AFAP1L2: variants seen among roughly 807,000 people sequenced by gnomAD.
AFAP1L2 encodes the protein actin filament-associated protein 1-like 2.
AFAP1L2 carries 46 observed loss-of-function variants against 99.3 expected under a neutral mutation model. The ratio of observed to expected loss-of-function variants is 0.46; its 90% CI spans 0.37 to 0.59. The LOEUF (loss-of-function observed/expected upper bound fraction) is 0.59. Among genes scored for constraint, AFAP1L2 ranks in the 20% least tolerant of loss-of-function variants. The pLI, the probability that AFAP1L2 is intolerant of heterozygous loss-of-function variation, is 0.00. For missense variants in AFAP1L2, 959 were observed against 1,034.9 expected (o/e 0.93, Z 1.01); for synonymous variants, 397 against 419.1 (o/e 0.95, Z 0.64).
At chr10:114,372,650 CAT>C (rs1220367017) in intron 1 of AFAP1L2, among the ~76,000 whole-genome samples, 8 of 151,548 alleles carry the variant, frequency 5.3e-5, no homozygotes, top group Non-Finnish European at 4.4e-5. Flanking sequence ...TATATATACA[CAT>C]ATATGTATAC....
intron 1 of AFAP1L2, among the ~76,000 whole-genome samples, chr10:114,361,853 C>T (rs1178398194): frequency 6.6e-6 from 1 of 152,098 alleles, no homozygotes; most frequent in African/African-American, 2.4e-5. Context: ...CTGCTATAAC[C>T]TAGAATTAGG....
At chr10:114,343,824 G>T (rs1382944535) in intron 1 of AFAP1L2, among the ~76,000 whole-genome samples, 1 of 152,148 alleles carries the variant, frequency 6.6e-6, no homozygotes, top group Non-Finnish European at 1.5e-5. Flanking sequence ...CCCATGCCCT[G>T]CTGTGACCAG....
At chr10:114,363,070 C>T (rs2052673180) in intron 1 of AFAP1L2, 1 of 985,282 alleles carries the variant, frequency 1.0e-6, no homozygotes, top group African/African-American at 1.7e-5. Context: ...GGGGTCGGCC[C>T]CTCACTTGGT....
intron 1 of AFAP1L2, among the ~76,000 whole-genome samples, chr10:114,397,882 G>T (rs974454498): frequency 6.6e-6 from 1 of 152,142 alleles, no homozygotes; most frequent in Non-Finnish European, 1.5e-5. Context: ...GAAGTCCTGG[G>T]AGGAGCTCCA....
chr10:114,384,047 T>C (rs941854), intron 1 of AFAP1L2, among the ~76,000 whole-genome samples: 124,843 of 151,912 alleles, frequency 0.82, 52,783 homozygotes, highest in East Asian at 1. Context: ...TGACAAAGGA[T>C]GCAACAACAT....
rs374076652 is a variant in AFAP1L2 at position 114,342,786 on chromosome 10, T to G, written c.17-2055A>C. ...GTAGATTAACGAGTTCGTGTTGCTT[T>G]ATGTCACTAAGTTTGGTAATTTGTT... On this transcript the variant is annotated intron_variant, in intron 1 of 18. Coordinates refer to ENST00000304129, the MANE Select transcript of AFAP1L2 (RefSeq NM_001001936.3). Among the ~76,000 whole-genome samples the G allele has an allele frequency of 3.3e-5, 5 of 152,360 alleles. No homozygotes were observed. In the East Asian group the frequency reaches 7.7e-4, roughly 24 times the overall value.
chr10:114,348,455 A>AT (rs1401069978), intron 1 of AFAP1L2, among the ~76,000 whole-genome samples: 1 of 152,126 alleles, frequency 6.6e-6, no homozygotes, highest in African/African-American at 2.4e-5. Context: ...GGCATATGAG[A>AT]TTCATCCCGG....
intron 1 of AFAP1L2, among the ~76,000 whole-genome samples, chr10:114,378,887 C>G (rs1178147703): frequency 2.0e-5 from 3 of 152,056 alleles, no homozygotes; most frequent in Non-Finnish European, 4.4e-5. Flanking sequence ...ATCTTCAAAA[C>G]TAGGTCACTC....
At chr10:114,318,991 TA>T (rs1427210492) in intron 5 of AFAP1L2, among the ~76,000 whole-genome samples, 2 of 150,532 alleles carry the variant, frequency 1.3e-5, no homozygotes, top group Non-Finnish European at 3.0e-5. Context: ...CCGTTTCTAC[TA>T]AAGATACAAA....
In AFAP1L2 at chr10:114,300,244, G is replaced by A. The variant is rs140418716; in HGVS notation, c.1907C>T (p.Pro636Leu). ...CTTCACAGGTGGGCTGGCACCAGGT[G>A]GGGTGGCCACCACGGCATCCGGGCA... ...PSCPDAVVAT[P>L]PGASPPVKDR... Residue 636 changes from proline (P) to leucine (L), a missense_variant, in exon 15 of 19, where the codon CCA becomes CTA. By Grantham distance (98) the Pro-to-Leu change is moderately conservative. Around this residue, in one of 2 missense-constraint regions of AFAP1L2, gnomAD observed 576 missense variants for 562.1 expected, o/e 1.02. Coordinates refer to ENST00000304129, the MANE Select transcript of AFAP1L2 (RefSeq NM_001001936.3). The A allele has an allele frequency of 1.9e-5, 31 of 1,614,158 alleles. No homozygotes were observed. Among genetic ancestry groups the A allele is most frequent in the Non-Finnish European group, 2.5e-5 (30 of 1,180,040 alleles).
chr10:114,404,145 C>A (rs2058500326), intron 1 of AFAP1L2, among the ~76,000 whole-genome samples: 1 of 152,176 alleles, frequency 6.6e-6, no homozygotes, highest in Admixed American at 6.5e-5. Context: ...GAGTGGGGTG[C>A]CGGGCTCACC....
chr10:114,363,152 G>C, intron 1 of AFAP1L2: 1 of 985,414 alleles, frequency 1.0e-6, no homozygotes, highest in Non-Finnish European at 1.2e-6. Flanking sequence ...CACATAAGCA[G>C]CAAACTGGGG....
At chr10:114,290,269 C>T, downstream of AFAP1L2, 1 of 1,550,590 alleles carries the variant, frequency 6.4e-7, no homozygotes, top group Non-Finnish European at 8.7e-7. Context: ...CCTCTGCAAA[C>T]CCAGCCCGTG....
At chr10:114,306,039 A>G (rs994635558) in intron 10 of AFAP1L2, among the ~76,000 whole-genome samples, 14 of 62,732 alleles carry the variant, frequency 2.2e-4, no homozygotes, top group Non-Finnish European at 2.0e-4. Flanking sequence ...AGGAGGGGAC[A>G]CAGATGCAGA....
intron 1 of AFAP1L2, among the ~76,000 whole-genome samples, chr10:114,359,422 G>A (rs2051890931): frequency 6.6e-6 from 1 of 152,158 alleles, no homozygotes; most frequent in Admixed American, 6.5e-5. Context: ...CTTCTTAATG[G>A]AGCAACTGGG....
intron 1 of AFAP1L2, among the ~76,000 whole-genome samples, chr10:114,366,884 C>T (rs2053343643): frequency 6.6e-6 from 1 of 152,178 alleles, no homozygotes; most frequent in East Asian, 1.9e-4. Flanking sequence ...AGGAGAATCG[C>T]TTGAACCCAG....
intron 4 of AFAP1L2, among the ~76,000 whole-genome samples, chr10:114,327,141 A>ATATATT (rs1246450288): frequency 6.4e-5 from 3 of 47,134 alleles, no homozygotes; most frequent in South Asian, 1.9e-3. Context: ...TGAATTTTAT[A>ATATATT]TATATTTATA....
chr10:114,378,663 A>AGCTGTCC (rs2055135113), intron 1 of AFAP1L2, among the ~76,000 whole-genome samples: 1 of 152,234 alleles, frequency 6.6e-6, no homozygotes, highest in Admixed American at 6.5e-5. Context: ...AAATTAAATT[A>AGCTGTCC]GCTGTCCCCC....
At chr10:114,331,474 T>G (rs975392156) in intron 4 of AFAP1L2, among the ~76,000 whole-genome samples, 2 of 152,092 alleles carry the variant, frequency 1.3e-5, no homozygotes, top group Non-Finnish European at 2.9e-5. Flanking sequence ...GCAAATTTTT[T>G]AAAGGTCACT....
Sources: gnomAD v4.1 joint callset for allele counts (sites outside exome capture counted in the v4.1 genomes callset) on GRCh38, gnomAD v4.1.1 for gene constraint, gnomAD v4.1.1 regional missense constraint, MANE v1.5 for transcripts, NCBI Gene and HGNC (gene_info 2026-07-23, HGNC 2026-07-21) for gene names.